GFRA1: variants seen among roughly 807,000 people sequenced by gnomAD.
The protein encoded by GFRA1 is GDNF family receptor alpha-1.
Under a neutral mutation model 51.6 loss-of-function variants are expected in GFRA1, and 16 were observed. The observed-to-expected ratio is 0.31, with a 90% confidence interval of 0.21 to 0.47. The LOEUF (loss-of-function observed/expected upper bound fraction) is 0.47. Among genes scored for constraint, GFRA1 ranks in the 20% least tolerant of loss-of-function variants. The pLI, the probability that GFRA1 is intolerant of heterozygous loss-of-function variation, is 1.00. For synonymous variants in GFRA1, 270 were observed against 241.3 expected (o/e 1.12, Z -1.10); for missense variants, 530 against 594.3 (o/e 0.89, Z 1.13).
chr10:116,239,653 A>G (rs1967190798), intron 4 of GFRA1, among the ~76,000 whole-genome samples: 2 of 152,214 alleles, frequency 1.3e-5, no homozygotes, highest in Non-Finnish European at 2.9e-5. Context: ...TTAGAATGGA[A>G]TTCTTTTTAA....
At chr10:116,202,090 C>T (rs576926545) in intron 5 of GFRA1, among the ~76,000 whole-genome samples, 1 of 152,234 alleles carries the variant, frequency 6.6e-6, no homozygotes, top group East Asian at 1.9e-4. Flanking sequence ...CTATTGAGCC[C>T]CTACTATGTG....
chr10:116,083,701 G>A (rs1172083882), intron 9 of GFRA1, among the ~76,000 whole-genome samples: 1 of 152,116 alleles, frequency 6.6e-6, no homozygotes, highest in African/African-American at 2.4e-5. Flanking sequence ...CTAGACTTTG[G>A]GGGTTTGCCC....
chr10:116,230,598 T>C (rs1966615708), intron 4 of GFRA1, among the ~76,000 whole-genome samples: 1 of 152,034 alleles, frequency 6.6e-6, no homozygotes, highest in South Asian at 2.1e-4. Flanking sequence ...TTCTCAATGA[T>C]ATAAACAAGA....
rs1284589405 is a variant in GFRA1, at chr10:116,060,938, T to TATAAAA, written c.*3459_*3460insTTTTAT. On this transcript the variant is annotated 3_prime_UTR_variant, in exon 11 of 11. Coordinates refer to ENST00000355422, the MANE Select transcript of GFRA1 (RefSeq NM_005264.8). The stretch of plus-strand genomic sequence containing the variant: ...TTCTGAGAAAAGAATTCGCTAATTA[T>TATAAAA]ATAAACTCCCACTGCTCTTACATCT... 6.6e-6 allele frequency: 1 copy of TATAAAA among 152,194 alleles called. No individual in the cohort carries two copies. Among genetic ancestry groups the TATAAAA allele is most frequent in the African/African-American group, 2.4e-5 (1 of 41,454 alleles). The allele number at this position is 152,194 out of a possible 1,614,324, so 9.4% of individuals were successfully genotyped here.
At chr10:116,099,078 G>C (rs1158432976) in intron 6 of GFRA1, among the ~76,000 whole-genome samples, 1 of 152,230 alleles carries the variant, frequency 6.6e-6, no homozygotes, top group African/African-American at 2.4e-5. Context: ...CCCCCTGGCA[G>C]CTATACTTGG....
chr10:116,110,476 C>T (rs1233296923), intron 6 of GFRA1, among the ~76,000 whole-genome samples: 1 of 152,194 alleles, frequency 6.6e-6, no homozygotes, highest in Admixed American at 6.5e-5. Context: ...AATAAAATCC[C>T]ATGCACAGGC....
chr10:116,093,978 G>T, intron 7 of GFRA1, 142 bp from the exon 8 acceptor site: 1 of 783,036 alleles, frequency 1.3e-6, no homozygotes, highest in Non-Finnish European at 2.2e-6. Flanking sequence ...ATTATGTTAA[G>T]CAGTGCATTT....
At chr10:116,200,606 C>T (rs1964253483) in intron 5 of GFRA1, among the ~76,000 whole-genome samples, 1 of 152,198 alleles carries the variant, frequency 6.6e-6, no homozygotes, top group Non-Finnish European at 1.5e-5. Flanking sequence ...AGTCCAAGAT[C>T]CTGGTGCCAA....
intron 5 of GFRA1, among the ~76,000 whole-genome samples, chr10:116,186,573 A>T (rs1203975473): frequency 4.2e-4 from 15 of 35,936 alleles, no homozygotes; most frequent in Non-Finnish European, 8.6e-4. Flanking sequence ...AGGCTCTTAA[A>T]AAAAAAAAAA....
At chr10:116,192,389 C>T (rs181885147) in intron 5 of GFRA1, among the ~76,000 whole-genome samples, 20 of 152,332 alleles carry the variant, frequency 1.3e-4, no homozygotes, top group South Asian at 4.1e-4. Context: ...GGGCATTCCA[C>T]AGACCTGCCC....
intron 10 of GFRA1, 53 bp from the exon 11 acceptor site, chr10:116,064,597 C>G: frequency 6.6e-7 from 1 of 1,518,104 alleles, no homozygotes; most frequent in Admixed American, 1.7e-5. Context: ...CATTCTACCA[C>G]AGTATACTTT....
chr10:116,205,552 C>T (rs904026703), intron 5 of GFRA1, among the ~76,000 whole-genome samples: 10 of 145,250 alleles, frequency 6.9e-5, no homozygotes, highest in Admixed American at 3.6e-4. Flanking sequence ...TCTAGCCTGG[C>T]GACAGAGCTA....
chr10:116,264,444 G>C (rs1969511896), intron 4 of GFRA1, among the ~76,000 whole-genome samples: 1 of 152,138 alleles, frequency 6.6e-6, no homozygotes, highest in South Asian at 2.1e-4. Flanking sequence ...GTTGACACCT[G>C]GCATAACAAG....
intron 9 of GFRA1, among the ~76,000 whole-genome samples, chr10:116,072,911 G>GAAGT (rs1955466025): frequency 6.6e-6 from 1 of 152,144 alleles, no homozygotes; most frequent in African/African-American, 2.4e-5. Context: ...ACTCTAGATG[G>GAAGT]AAGTCCTTTC....
At position 116,122,604 on chromosome 10, in the gene GFRA1, C is replaced by T. The variant is rs528293526; in HGVS notation, c.770+2617G>A. On this transcript the variant is annotated intron_variant, in intron 6 of 10. Transcript: ENST00000355422. ...TTTGATCTAATGAATTCTCACCAAC[C>T]CTCAAAGGATACTCTCTTTTTAGAA... Among the ~76,000 whole-genome samples the T allele has an allele frequency of 5.3e-5, 8 of 152,280 alleles. No individual in the cohort carries two copies. In the South Asian group the frequency reaches 1.7e-3, roughly 32 times the overall value.
chr10:116,103,153 G>A (rs1379977530), intron 6 of GFRA1, among the ~76,000 whole-genome samples: 8 of 152,000 alleles, frequency 5.3e-5, no homozygotes, highest in African/African-American at 1.9e-4. Flanking sequence ...CCTGGAAAAT[G>A]GCACCAGTGC....
At chr10:116,263,915 T>C (rs1969469011) in intron 4 of GFRA1, among the ~76,000 whole-genome samples, 1 of 152,148 alleles carries the variant, frequency 6.6e-6, no homozygotes, top group African/African-American at 2.4e-5. Flanking sequence ...GGAGATGACT[T>C]CACAGCTTAT....
intron 8 of GFRA1, among the ~76,000 whole-genome samples, chr10:116,093,364 T>C (rs1274598388): frequency 6.6e-6 from 1 of 152,246 alleles, no homozygotes; most frequent in Admixed American, 6.5e-5. Context: ...CAAAATTTGA[T>C]CTGCGGGTAG....
At chr10:116,271,396 C>A (rs1211446131) in intron 2 of GFRA1, among the ~76,000 whole-genome samples, 2 of 152,156 alleles carry the variant, frequency 1.3e-5, no homozygotes, top group Middle Eastern at 3.2e-3. Context: ...CCACCGCGCA[C>A]GTCGGCCCTC....
Sources: allele counts gnomAD v4.1 joint callset (sites outside exome capture counted in the v4.1 genomes callset), GRCh38; gene constraint gnomAD v4.1.1; transcripts MANE v1.5; gene names NCBI Gene and HGNC (gene_info 2026-07-23, HGNC 2026-07-21).